The following ITPR2 variants were observed in gnomAD, a reference collection of about 807,000 sequenced individuals.
ITPR2 encodes the protein inositol 1,4,5-trisphosphate-gated calcium channel ITPR2.
In ITPR2, 207 loss-of-function variants were observed where a neutral mutation model predicts 317.1. The observed-to-expected ratio is 0.65, with a 90% CI of 0.58 to 0.73. The LOEUF (loss-of-function observed/expected upper bound fraction) is 0.73. Among genes scored for constraint, ITPR2 ranks in the 30% least tolerant of loss-of-function variants. The pLI is 0.00. For synonymous variants in ITPR2, 1,156 were observed against 1,149.1 expected (o/e 1.01, Z -0.12); for missense variants, 2,613 against 3,284.0 (o/e 0.80, Z 4.99).
At chr12:26,686,705 G>C in intron 10 of ITPR2, 73 bp from the exon 11 acceptor site, 1 of 1,272,902 alleles carries the variant, frequency 7.9e-7, no homozygotes. Flanking sequence ...CAGGTGATAA[G>C]GTTTAAATGT....
intron 55 of ITPR2, among the ~76,000 whole-genome samples, chr12:26,385,074 T>C (rs1310057333): frequency 6.6e-6 from 1 of 152,206 alleles, no homozygotes; most frequent in East Asian, 1.9e-4. Context: ...ACAACCCTCC[T>C]GTGGGCAATG....
intron 49 of ITPR2, 135 bp downstream of exon 49, chr12:26,427,778 C>T (rs1378819896): frequency 2.8e-5 from 15 of 530,508 alleles, no homozygotes; most frequent in Non-Finnish European, 4.3e-5. Context: ...ACAAATTATG[C>T]TCTGGTTAAT....
chr12:26,639,580 A>G (rs1280905619), intron 21 of ITPR2, among the ~76,000 whole-genome samples: 3 of 150,876 alleles, frequency 2.0e-5, no homozygotes, highest in Non-Finnish European at 4.4e-5. Context: ...GTAACTCGTC[A>G]TTTAACATTA....
intron 32 of ITPR2, among the ~76,000 whole-genome samples, chr12:26,583,727 T>C (rs17397644): frequency 0.13 from 19,221 of 152,196 alleles, 1,505 homozygotes; most frequent in Non-Finnish European, 0.17. Flanking sequence ...TCTTATAGTG[T>C]GTCACTAATG....
chr12:26,506,653 G>A (rs1170095198), intron 37 of ITPR2, among the ~76,000 whole-genome samples: 1 of 151,866 alleles, frequency 6.6e-6, no homozygotes. Flanking sequence ...TCAATATTTA[G>A]CCTGAAAGAT....
chr12:26,361,927 A>G (rs1274405621), intron 55 of ITPR2, among the ~76,000 whole-genome samples: 1 of 152,206 alleles, frequency 6.6e-6, no homozygotes. Flanking sequence ...TAGCTGATGC[A>G]ATGTATGGTG....
intron 55 of ITPR2, among the ~76,000 whole-genome samples, chr12:26,364,135 G>A (rs1186965735): frequency 1.3e-5 from 2 of 152,118 alleles, no homozygotes; most frequent in Non-Finnish European, 2.9e-5. Context: ...AAAAAATATG[G>A]CGGGTCAGAT....
intron 37 of ITPR2, among the ~76,000 whole-genome samples, chr12:26,545,814 G>A (rs900557906): frequency 8.5e-5 from 13 of 152,188 alleles, no homozygotes; most frequent in Non-Finnish European, 1.9e-4. Flanking sequence ...GGATCACTGA[G>A]CACCAGCTGT....
chr12:26,769,424 C>T (rs1014900602), intron 2 of ITPR2, among the ~76,000 whole-genome samples: 2 of 152,008 alleles, frequency 1.3e-5, no homozygotes, highest in African/African-American at 4.8e-5. Context: ...AAATCAACAC[C>T]TGGGAAGGAA....
chr12:26,494,053 T>A, intron 39 of ITPR2, 100 bp downstream of exon 39: 1 of 863,418 alleles, frequency 1.2e-6, no homozygotes. Context: ...TAGATAGTAA[T>A]AAGAGCTAAA....
chr12:26,397,262 C>T (rs536162312), intron 54 of ITPR2, among the ~76,000 whole-genome samples: 1 of 152,100 alleles, frequency 6.6e-6, no homozygotes. Context: ...GTCAGCAACA[C>T]TGAGCTGCTT....
intron 2 of ITPR2, among the ~76,000 whole-genome samples, chr12:26,735,798 C>T (rs929020472): frequency 3.3e-5 from 5 of 152,206 alleles, no homozygotes; most frequent in African/African-American, 1.2e-4. Context: ...TTCCTTTGCT[C>T]TATGAATGAC....
intron 8 of ITPR2, among the ~76,000 whole-genome samples, chr12:26,712,209 A>G (rs1255288774): frequency 2.0e-5 from 3 of 152,204 alleles, no homozygotes; most frequent in East Asian, 3.8e-4. Context: ...GATTGTTGTG[A>G]AGATGAAATA....
rs542209141 is a variant in ITPR2 at position 26,603,108 on chromosome 12, A to G, written c.3463-402T>C. Among the ~76,000 whole-genome samples, 304 of 152,312 alleles carry G rather than the reference A, an allele frequency of 2.0e-3. 2 individuals carry two copies. Among genetic ancestry groups the G allele is most frequent in the African/African-American group, 7.0e-3 (293 of 41,568 alleles). On this transcript the variant is annotated intron_variant, in intron 26 of 56. Coordinates refer to ENST00000381340, the MANE Select transcript of ITPR2 (RefSeq NM_002223.4). ...AATCACTAGGAATGAACTGCAAGAAAAAAAGAGTGATGGAGCAGATCATCA... is the reference window on the plus strand; with the variant it reads ...AATCACTAGGAATGAACTGCAAGAAGAAAAGAGTGATGGAGCAGATCATCA...
At chr12:26,689,592 T>C (rs1340236754) in intron 10 of ITPR2, among the ~76,000 whole-genome samples, 1 of 152,142 alleles carries the variant, frequency 6.6e-6, no homozygotes, top group African/African-American at 2.4e-5. Flanking sequence ...TAATAAGATA[T>C]GGATGGCAAA....
intron 2 of ITPR2, among the ~76,000 whole-genome samples, chr12:26,735,476 G>T (rs887599354): frequency 6.6e-6 from 1 of 152,098 alleles, no homozygotes; most frequent in African/African-American, 2.4e-5. Flanking sequence ...GGACAGGGAA[G>T]GAGAAGAGAG....
intron 13 of ITPR2, among the ~76,000 whole-genome samples, chr12:26,672,311 C>G (rs940992298): frequency 6.6e-6 from 1 of 151,962 alleles, no homozygotes; most frequent in East Asian, 1.9e-4. Context: ...TAAAGCTCTC[C>G]TCAGCAAATG....
At chr12:26,525,411 C>G (rs992342053) in intron 37 of ITPR2, among the ~76,000 whole-genome samples, 3 of 152,160 alleles carry the variant, frequency 2.0e-5, no homozygotes, top group Non-Finnish European at 4.4e-5. Context: ...CAGCTACAAT[C>G]CTTTCCTACT....
intron 1 of ITPR2, among the ~76,000 whole-genome samples, chr12:26,827,428 C>G (rs1453616928): frequency 6.6e-6 from 1 of 152,128 alleles, no homozygotes; most frequent in African/African-American, 2.4e-5. Flanking sequence ...TTTGCACAAA[C>G]AGACTGATAA....
Sources: allele counts gnomAD v4.1 joint callset (sites outside exome capture counted in the v4.1 genomes callset), GRCh38; gene constraint gnomAD v4.1.1; transcripts MANE v1.5; gene names NCBI Gene and HGNC (gene_info 2026-07-23, HGNC 2026-07-21).